The following ASXL3 variants were observed in gnomAD, a reference collection of about 807,000 sequenced individuals.
ASXL3 encodes ASXL transcriptional regulator 3, also known as putative Polycomb group protein ASXL3.
ASXL3 carries 34 observed loss-of-function variants against 170.6 expected under a neutral mutation model. That is an observed-to-expected ratio of 0.20 (90% confidence interval 0.15 to 0.27). ASXL3 has a LOEUF of 0.27. Ranked by LOEUF, ASXL3 falls within the 10% of genes least tolerant of loss-of-function variation. The pLI is 1.00. For missense variants in ASXL3, 2,592 were observed against 2,695.3 expected (o/e 0.96, Z 0.85); for synonymous variants, 1,002 against 989.1 (o/e 1.01, Z -0.24).
At chr18:33,604,206 A>G (rs2065218548) in intron 1 of ASXL3, among the ~76,000 whole-genome samples, 1 of 152,054 alleles carries the variant, frequency 6.6e-6, no homozygotes, top group African/African-American at 2.4e-5. Flanking sequence ...GTGCTATTAA[A>G]ACTATTAACT....
intron 8 of ASXL3, among the ~76,000 whole-genome samples, chr18:33,705,349 G>A (rs1459451675): frequency 1.3e-5 from 2 of 150,632 alleles, no homozygotes; most frequent in Non-Finnish European, 3.0e-5. Context: ...CGAGTGTTTG[G>A]AAAATGTGTT....
chr18:33,745,623 C>T lies in ASXL3; in HGVS notation c.5775C>T (p.Thr1925=). The change falls in exon 12 of 12, where the codon ACC becomes ACT. Residue 1925 remains threonine, a synonymous_variant. Transcript: ENST00000269197. ...GCGGCTTCCACACTGACGCTGGTAC[C>T]TCACACAGACAGCAGTTTTACCAAA... The part of the protein sequence containing the change: ...KNGGFHTDAG[T]SHRQQFYQMP... 6.2e-7 allele frequency: 1 copy of T among 1,613,972 alleles called. No individual in the cohort carries two copies. Among genetic ancestry groups the T allele is most frequent in the South Asian group, 1.1e-5 (1 of 91,086 alleles).
chr18:33,665,791 A>G (rs1036723169), intron 5 of ASXL3, among the ~76,000 whole-genome samples: 1 of 152,104 alleles, frequency 6.6e-6, no homozygotes, highest in African/African-American at 2.4e-5. Flanking sequence ...AAAGTATTGC[A>G]ATATGTCACT....
At chr18:33,717,272 T>G (rs1440373050) in intron 8 of ASXL3, among the ~76,000 whole-genome samples, 1 of 152,276 alleles carries the variant, frequency 6.6e-6, no homozygotes, top group East Asian at 1.9e-4. Flanking sequence ...AGTTTCAAAG[T>G]AGAGAGTCAC....
chr18:33,608,261 T>G (rs1453777836), intron 2 of ASXL3, among the ~76,000 whole-genome samples: 1 of 151,980 alleles, frequency 6.6e-6, no homozygotes, highest in African/African-American at 2.4e-5. Context: ...TGAAACCCTG[T>G]ACCCATTAGC....
At chr18:33,591,831 T>G (rs1322582743) in intron 1 of ASXL3, among the ~76,000 whole-genome samples, 1 of 151,830 alleles carries the variant, frequency 6.6e-6, no homozygotes, top group Admixed American at 6.6e-5. Flanking sequence ...TTAGTAGAGA[T>G]GGGGTTTCAC....
chr18:33,611,937 T>G (rs368532630), intron 2 of ASXL3, among the ~76,000 whole-genome samples: 1 of 151,968 alleles, frequency 6.6e-6, no homozygotes, highest in Non-Finnish European at 1.5e-5. Flanking sequence ...AAGTGGTGCT[T>G]CCAAAGAAAT....
chr18:33,743,979 T>C lies in ASXL3; in HGVS notation c.4131T>C (p.Pro1377=), dbSNP rs953746834. The C allele has an allele frequency of 1.2e-6, 2 of 1,613,998 alleles. No individual in the cohort carries two copies. The highest frequency in any genetic ancestry group is 1.7e-6 in the Non-Finnish European group (2 of 1,179,888). ...NRFPSEKIAI[P]GSEEQATVSM... is the part of the protein sequence containing the mutation. ...TTCCTTCTGAGAAGATAGCCATACC[T>C]GGGAGTGAAGAACAGGCCACTGTAT... Residue 1377 remains proline (P), a synonymous_variant, in exon 12 of 12, where the codon CCT becomes CCC. Coordinates refer to ENST00000269197, the MANE Select transcript of ASXL3 (RefSeq NM_030632.3).
chr18:33,638,139 A>G (rs1019444063), intron 2 of ASXL3, among the ~76,000 whole-genome samples: 2 of 150,566 alleles, frequency 1.3e-5, no homozygotes, highest in African/African-American at 4.9e-5. Flanking sequence ...TATAGTATAT[A>G]TATATATAAT....
At chr18:33,727,156 A>C (rs929736735) in intron 8 of ASXL3, among the ~76,000 whole-genome samples, 1 of 151,638 alleles carries the variant, frequency 6.6e-6, no homozygotes, top group Non-Finnish European at 1.5e-5. Context: ...TGTAGAATGA[A>C]ATCTAGATTG....
intron 8 of ASXL3, among the ~76,000 whole-genome samples, chr18:33,705,467 T>G (rs902717354): frequency 1.3e-5 from 2 of 151,832 alleles, no homozygotes; most frequent in Non-Finnish European, 3.0e-5. Context: ...AAACTTCTAA[T>G]TTATATAAAA....
intron 8 of ASXL3, among the ~76,000 whole-genome samples, chr18:33,729,638 A>C (rs541197663): frequency 1.3e-5 from 2 of 152,128 alleles, no homozygotes; most frequent in Non-Finnish European, 2.9e-5. Context: ...AAAAAATGAA[A>C]ATAACAAGAC....
intron 2 of ASXL3, among the ~76,000 whole-genome samples, chr18:33,628,869 G>C (rs143445579): frequency 6.6e-6 from 1 of 152,048 alleles, no homozygotes; most frequent in Non-Finnish European, 1.5e-5. Flanking sequence ...TTCAGTAAAT[G>C]GTTGTTTTCA....
Position 33,706,628 on chromosome 18 carries a change from C to T in ASXL3, c.879+23060C>T, listed in dbSNP as rs147727766. On this transcript the variant is annotated intron_variant, in intron 8 of 11. Coordinates refer to ENST00000269197, the MANE Select transcript of ASXL3 (RefSeq NM_030632.3). ...GACACATTTTTGGATACTTGGATAT[C>T]CCCATTTGTATATTACCAGTTCCAG... 3.3e-3 allele frequency among the ~76,000 whole-genome samples: 502 copies of T among 151,810 alleles called. 4 individuals carry two copies. Among genetic ancestry groups the T allele is most frequent in the African/African-American group, 0.011 (473 of 41,490 alleles).
intron 7 of ASXL3, among the ~76,000 whole-genome samples, chr18:33,679,867 T>G (rs2066486336): frequency 6.6e-6 from 1 of 152,088 alleles, no homozygotes. Context: ...ATTGTGTCCT[T>G]ACCTTTCATT....
At chr18:33,710,577 T>C (rs1260806673) in intron 8 of ASXL3, among the ~76,000 whole-genome samples, 1 of 152,226 alleles carries the variant, frequency 6.6e-6, no homozygotes, top group East Asian at 1.9e-4. Context: ...CATTTCTTTT[T>C]ATCTTATTAA....
chr18:33,634,995 G>A (rs946878956), intron 2 of ASXL3, among the ~76,000 whole-genome samples: 1 of 152,128 alleles, frequency 6.6e-6, no homozygotes, highest in African/African-American at 2.4e-5. Context: ...GGACTGCAGA[G>A]GTGATTAGTA....
chr18:33,743,979 T>A lies in ASXL3; in HGVS notation c.4131T>A (p.Pro1377=). 1 of 1,613,998 alleles carries A rather than the reference T, an allele frequency of 6.2e-7. No homozygotes were observed. Among genetic ancestry groups the A allele is most frequent in the South Asian group, 1.1e-5 (1 of 91,086 alleles). Residue 1377 remains proline, a synonymous_variant, in exon 12 of 12, where the codon CCT becomes CCA. Transcript: ENST00000269197. The part of the protein sequence containing the change: ...NRFPSEKIAI[P]GSEEQATVSM... ...TTCCTTCTGAGAAGATAGCCATACC[T>A]GGGAGTGAAGAACAGGCCACTGTAT...
At chr18:33,583,239 G>C (rs1298330700) in intron 1 of ASXL3, among the ~76,000 whole-genome samples, 1 of 152,114 alleles carries the variant, frequency 6.6e-6, no homozygotes, top group African/African-American at 2.4e-5. Flanking sequence ...TTGATTTCAG[G>C]TTATAATCAG....
Sources: gnomAD v4.1 joint callset for allele counts (sites outside exome capture counted in the v4.1 genomes callset) on GRCh38, gnomAD v4.1.1 for gene constraint, MANE v1.5 for transcripts, NCBI Gene and HGNC (gene_info 2026-07-23, HGNC 2026-07-21) for gene names.